Variants in C4orf50 observed in about 807,000 individuals in gnomAD.
C4orf50 encodes uncharacterized protein C4orf50.
C4orf50 carries 80 observed loss-of-function variants against 77.2 expected under a neutral mutation model. That is an observed-to-expected ratio of 1.04 (90% CI 0.87 to 1.25). The LOEUF (loss-of-function observed/expected upper bound fraction) is 1.25. C4orf50 is among the 50% of genes most tolerant of loss of function. The pLI is 0.00. For missense variants in C4orf50, 1,257 were observed against 1,152.9 expected (o/e 1.09, Z -1.31); for synonymous variants, 532 against 465.3 (o/e 1.14, Z -1.84).
At chr4:5,926,650 C>G (rs1333203115) in intron 7 of C4orf50, among the ~76,000 whole-genome samples, 2 of 151,932 alleles carry the variant, frequency 1.3e-5, no homozygotes, top group Admixed American at 1.3e-4. Context: ...GCAGATGACC[C>G]AGCACAGTAC....
intron 29 of C4orf50, among the ~76,000 whole-genome samples, chr4:5,979,330 G>A (rs973295377): frequency 4.6e-5 from 7 of 152,148 alleles, no homozygotes; most frequent in Non-Finnish European, 1.0e-4. Flanking sequence ...GTTATGATTT[G>A]GCCTCATGAT....
At chr4:5,935,413 T>A (rs1717963358) in intron 7 of C4orf50, among the ~76,000 whole-genome samples, 2 of 152,162 alleles carry the variant, frequency 1.3e-5, no homozygotes, top group Non-Finnish European at 2.9e-5. Context: ...TAGCCCTATA[T>A]CTCATGGGAA....
exon 28 of C4orf50, chr4:5,990,020 G>A (rs1721167058): frequency 6.6e-6 from 9 of 1,371,716 alleles, no homozygotes; most frequent in Non-Finnish European, 8.4e-6. Context: ...TTGGTCTCAT[G>A]AGCCCTGGAG....
rs766869756 is a variant in C4orf50 at position 5,988,508 on chromosome 4, G to C, written c.3538C>G (p.Pro1180Ala). The change falls in exon 28 of 34, where the codon CCT (proline) becomes GCT (alanine). Residue 1180 changes from proline (P) to alanine (A), a missense_variant. Physicochemically the swap from Pro to Ala is conservative, Grantham distance 27 (BLOSUM62 -1). Transcript: ENST00000531445. The stretch of plus-strand genomic sequence containing the variant: ...GTGTTTCTCCAGACCAGCGATGGAG[G>C]GGGAGAATCAGCACCGCGTCTGGAA... 2.6e-5 allele frequency: 40 copies of C among 1,540,464 alleles called. No homozygotes were observed. In the South Asian group the frequency reaches 4.0e-4, roughly 16 times the overall value.
At chr4:6,004,241 ATGG>A (rs1722088765) in intron 25 of C4orf50, among the ~76,000 whole-genome samples, 1 of 33,600 alleles carries the variant, frequency 3.0e-5, no homozygotes, top group Non-Finnish European at 5.9e-5. Flanking sequence ...GGTGATGATG[ATGG>A]TGATGATGGT....
At chr4:5,990,003 T>C (rs1214772578) in exon 28 of C4orf50, 5 of 1,401,538 alleles carry the variant, frequency 3.6e-6, no homozygotes, top group Non-Finnish European at 4.6e-6. Context: ...CTGTTGGCCA[T>C]GGCTCTTTGG....
exon 28 of C4orf50, chr4:5,990,313 T>G (rs1721190059): frequency 9.7e-7 from 1 of 1,025,684 alleles, no homozygotes; most frequent in South Asian, 4.9e-5. Flanking sequence ...TAGCTGGTAC[T>G]TGTCACCAAG....
At chr4:5,930,845 T>C (rs80051927) in intron 7 of C4orf50, among the ~76,000 whole-genome samples, 1 of 152,214 alleles carries the variant, frequency 6.6e-6, no homozygotes. Flanking sequence ...ATGCCCAGCA[T>C]GGGCCTGGCA....
chr4:5,973,805 T>G, exon 31 of C4orf50: 1 of 1,613,016 alleles, frequency 6.2e-7, no homozygotes, highest in Non-Finnish European at 8.5e-7. Flanking sequence ...AGGCGGTTCC[T>G]CTCCCGGCAC....
intron 7 of C4orf50, among the ~76,000 whole-genome samples, chr4:5,927,962 T>C (rs1392303290): frequency 6.6e-6 from 1 of 152,184 alleles, no homozygotes; most frequent in African/African-American, 2.4e-5. Context: ...CTGCCACTGA[T>C]GTGTCCTGAG....
rs985883902 is a variant in C4orf50 at position 5,970,612 on chromosome 4, C to T, written c.4104+3047G>A. ...TGCAGAAAGGGCACTGGGGCCAAACCGACTCTGAGGCTCAATTTCCACCAC... is the reference window on the plus strand; with the variant it reads ...TGCAGAAAGGGCACTGGGGCCAAACTGACTCTGAGGCTCAATTTCCACCAC... On this transcript the variant is annotated intron_variant, in intron 31 of 33. Coordinates refer to ENST00000531445, the Ensembl canonical transcript of C4orf50. The surrounding 1 kb of genome is among the most constrained non-coding windows in gnomAD (Gnocchi z 4.3). Among the ~76,000 whole-genome samples, 5 of 152,182 alleles carry T rather than the reference C, an allele frequency of 3.3e-5. No individual in the cohort carries two copies. The highest frequency in any genetic ancestry group is 7.2e-5 in the African/African-American group (3 of 41,452).
chr4:6,009,325 G>A lies in C4orf50; in HGVS notation c.427-793C>T, dbSNP rs538023155. Among the ~76,000 whole-genome samples, 44 of 152,318 alleles carry A rather than the reference G, an allele frequency of 2.9e-4. No individual in the cohort carries two copies. The highest frequency in any genetic ancestry group is 9.9e-4 in the African/African-American group (41 of 41,574). On this transcript the variant is annotated intron_variant, in intron 24 of 33. Transcript: ENST00000531445. This position sits in a 1 kb window ranked among gnomAD's most constrained non-coding sequence, Gnocchi z 5.6. The stretch of plus-strand genomic sequence containing the variant: ...AATTCAAGCAAAGGGATAGAACTAC[G>A]TCTACGTTAATCTTTCAACTACTGT...
chr4:6,012,127 T>C (rs973976607), intron 23 of C4orf50, among the ~76,000 whole-genome samples, 159 bp from the exon 2 acceptor site: 40 of 152,340 alleles, frequency 2.6e-4, no homozygotes, highest in Middle Eastern at 6.8e-3. Context: ...TTCATGTATA[T>C]AGTTCTAAAG....
rs1248726596 is a variant in C4orf50 at position 5,950,537 on chromosome 4, A to T, written c.*2474+6364T>A. Among the ~76,000 whole-genome samples the T allele has an allele frequency of 2.0e-5, 3 of 152,252 alleles. No individual in the cohort carries two copies. The East Asian group carries it at 5.8e-4, about 29-fold the overall frequency. On this transcript the variant is annotated intron_variant, in intron 7 of 7. Transcript: ENST00000324058. ...CAAAATATTTTCAAAAATGGGGTTG[A>T]ATCTGTTCTTTTACTCGCTGAGTTC...
At chr4:5,955,586 G>A (rs574691727), downstream of C4orf50, among the ~76,000 whole-genome samples, 4 of 152,318 alleles carry the variant, frequency 2.6e-5, no homozygotes, top group East Asian at 7.7e-4. This position sits in a 1 kb window ranked among gnomAD's most constrained non-coding sequence, Gnocchi z 5.1. Flanking sequence ...ATGGGGATAG[G>A]AACGCAGGAC....
At chr4:5,982,779 C>G (rs1370232717) in intron 28 of C4orf50, among the ~76,000 whole-genome samples, 2 of 151,910 alleles carry the variant, frequency 1.3e-5, no homozygotes, top group Non-Finnish European at 2.9e-5. Flanking sequence ...CTGCACAGAA[C>G]CAGCCTGGGG....
chr4:6,007,563 T>A lies in C4orf50; in HGVS notation c.963+433A>T, dbSNP rs1577996863. ...TATTTATAAGCCACCATCTATGGTA[T>A]TTTTTATAAAAGCCCAAACAGATTT... On this transcript the variant is annotated intron_variant, in intron 25 of 33. Transcript: ENST00000531445. This position sits in a 1 kb window ranked among gnomAD's most constrained non-coding sequence, Gnocchi z 4.1. Among the ~76,000 whole-genome samples, 1 of 152,172 alleles carries A rather than the reference T, an allele frequency of 6.6e-6. No homozygotes were observed. Among genetic ancestry groups the A allele is most frequent in the African/African-American group, 2.4e-5 (1 of 41,432 alleles).
intron 7 of C4orf50, among the ~76,000 whole-genome samples, chr4:5,920,135 G>A (rs146137986): frequency 6.6e-6 from 1 of 152,324 alleles, no homozygotes; most frequent in East Asian, 1.9e-4. Context: ...ATCCTCAGAT[G>A]TGGGTCTCCT....
intron 7 of C4orf50, among the ~76,000 whole-genome samples, chr4:5,927,006 T>C (rs942953336): frequency 3.9e-5 from 6 of 151,904 alleles, no homozygotes; most frequent in African/African-American, 1.2e-4. Context: ...AGACAGGGAG[T>C]GTTCTGGTGA....
Sources: allele counts gnomAD v4.1 joint callset (sites outside exome capture counted in the v4.1 genomes callset), GRCh38; gene constraint gnomAD v4.1.1; non-coding constraint Gnocchi (gnomAD v3.1); transcripts MANE v1.5; gene names NCBI Gene and HGNC (gene_info 2026-07-23, HGNC 2026-07-21).